TTLL5: variants seen among roughly 807,000 people sequenced by gnomAD.
The protein encoded by TTLL5 is tubulin polyglutamylase TTLL5.
A neutral mutation model predicts 168.4 loss-of-function variants in TTLL5; 132 were observed. The observed-to-expected ratio is 0.78, with a 90% confidence interval of 0.68 to 0.91. TTLL5 has a LOEUF of 0.91. TTLL5 is among the 40% of genes least tolerant of loss of function. The probability of loss-of-function intolerance (pLI) is 0.00; values close to 1 mark genes in which losing one functional copy is unlikely to be tolerated. For missense variants in TTLL5, 1,545 were observed against 1,581.5 expected, an observed-to-expected ratio of 0.98 and a Z score of 0.39; for synonymous variants, 546 against 558.6, an observed-to-expected ratio of 0.98 and a Z score of 0.32.
At chr14:75,914,389 CTTTTCTGAAAAATAGTCCA>C (rs2033524006) in intron 31 of TTLL5, among the ~76,000 whole-genome samples, 1 of 152,018 alleles carries the variant, frequency 6.6e-6, no homozygotes, top group Non-Finnish European at 1.5e-5. Flanking sequence ...ATACATAAAA[CTTTTCTGAAAAATAGTCCA>C]TTTCCTCTGT....
rs10658095 is a variant in TTLL5, at chr14:75,869,821, A to ATTTTTT, written c.3522+5970_3522+5975dup. ...CTTGCAATGTATACATTCAACAAGT[A>ATTTTTT]TTTTTTTTTTTTTTTTGCGATGGAG... On this transcript the variant is annotated intron_variant, in intron 29 of 31. Transcript: ENST00000298832. Among the ~76,000 whole-genome samples the ATTTTTT allele has an allele frequency of 1.5e-4, 12 of 82,424 alleles. 4 individuals carry two copies. Among genetic ancestry groups the ATTTTTT allele is most frequent in the Admixed American group, 5.5e-4 (3 of 5,408 alleles). The allele number at this position is 82,424 out of a possible 152,430, so 54.1% of individuals were successfully genotyped here. A position where few individuals can be genotyped will look rare whatever the true frequency, so the allele number is the denominator to read the frequency against.
At chr14:75,686,400 G>A (rs1450538089) in intron 5 of TTLL5, among the ~76,000 whole-genome samples, 2 of 152,128 alleles carry the variant, frequency 1.3e-5, no homozygotes, top group Non-Finnish European at 1.5e-5. Flanking sequence ...GGTCTTTACT[G>A]TAATAGGATC....
chr14:75,877,015 A>G (rs537013674), intron 29 of TTLL5, among the ~76,000 whole-genome samples: 1 of 152,338 alleles, frequency 6.6e-6, no homozygotes, highest in East Asian at 1.9e-4. Flanking sequence ...TGCATATGTC[A>G]TGGGAATTTT....
At chr14:75,870,880 C>T (rs1031666322) in intron 29 of TTLL5, among the ~76,000 whole-genome samples, 3 of 151,438 alleles carry the variant, frequency 2.0e-5, no homozygotes, top group Admixed American at 2.0e-4. Flanking sequence ...CTGCAAGCTC[C>T]GCCTCCCAGG....
At chr14:75,715,077 G>A (rs562945438) in intron 9 of TTLL5, among the ~76,000 whole-genome samples, 2 of 152,068 alleles carry the variant, frequency 1.3e-5, no homozygotes, top group South Asian at 2.1e-4. Flanking sequence ...AATCTGGCTC[G>A]CAGTATCTTT....
At chr14:75,667,227 T>A (rs1387840274) in intron 2 of TTLL5, among the ~76,000 whole-genome samples, 1 of 152,228 alleles carries the variant, frequency 6.6e-6, no homozygotes, top group Non-Finnish European at 1.5e-5. Context: ...GCTCCCCTTG[T>A]CAGGCATTTT....
At chr14:75,926,943 A>G (rs2034091562) in intron 31 of TTLL5, among the ~76,000 whole-genome samples, 1 of 152,258 alleles carries the variant, frequency 6.6e-6, no homozygotes, top group Non-Finnish European at 1.5e-5. Context: ...GTGATAAACA[A>G]AATGCAGTGT....
Position 75,771,742 on chromosome 14 carries a change from A to T in TTLL5, c.2024A>T (p.Gln675Leu), listed in dbSNP as rs766119024. The T allele has an allele frequency of 6.2e-7, 1 of 1,613,566 alleles. No homozygotes were observed. Among genetic ancestry groups the T allele is most frequent in the Non-Finnish European group, 8.5e-7 (1 of 1,179,810 alleles). The change falls in exon 21 of 32, where the codon CAG becomes CTG. Residue 675 changes from glutamine to leucine, a missense_variant. Coordinates refer to ENST00000298832, the MANE Select transcript of TTLL5 (RefSeq NM_015072.5). ...GTTTTGGATTTCTATAGCAAAATGCAGGCCCGAATAGCATTCTCTGCCTAT... is the reference window on the plus strand; with the variant it reads ...GTTTTGGATTTCTATAGCAAAATGCTGGCCCGAATAGCATTCTCTGCCTAT... The part of the protein sequence containing the change: ...LQDNGNLSKM[Q>L]ARIAFSAYLQ...
chr14:75,753,835 G>GT (rs1489790420), intron 18 of TTLL5, among the ~76,000 whole-genome samples: 1 of 152,002 alleles, frequency 6.6e-6, no homozygotes, highest in African/African-American at 2.4e-5. Flanking sequence ...CTTTTACAAG[G>GT]TTTCTTTTAT....
Position 75,954,619 on chromosome 14 carries a change from C to T in TTLL5, c.*173C>T. 1 of 649,854 alleles carries T rather than the reference C, an allele frequency of 1.5e-6. No individual in the cohort carries two copies. Among genetic ancestry groups the T allele is most frequent in the Non-Finnish European group, 2.7e-6 (1 of 374,594 alleles). The allele number at this position is 649,854 out of a possible 1,614,324, so 40.3% of individuals were successfully genotyped here. ...ATGGTTGCCAATCAGCCAATGCAGA[C>T]TTTCACTGGGACAACAAGAAAGCAG... On this transcript the variant is annotated 3_prime_UTR_variant, in exon 32 of 32. Coordinates refer to ENST00000298832, the MANE Select transcript of TTLL5 (RefSeq NM_015072.5).
chr14:75,811,045 CAG>C (rs1364958108), intron 27 of TTLL5, among the ~76,000 whole-genome samples: 1 of 138,760 alleles, frequency 7.2e-6, no homozygotes, highest in Admixed American at 8.4e-5. Context: ...GATAGCCTTG[CAG>C]AGACATTAAC....
intron 12 of TTLL5, among the ~76,000 whole-genome samples, chr14:75,722,989 CTGTT>C (rs1233592821): frequency 6.6e-6 from 1 of 152,158 alleles, no homozygotes; most frequent in Non-Finnish European, 1.5e-5. Flanking sequence ...CCCCAGCACT[CTGTT>C]TGTAACTCTA....
intron 2 of TTLL5, among the ~76,000 whole-genome samples, chr14:75,667,156 G>C (rs1883322182): frequency 6.6e-6 from 1 of 151,966 alleles, no homozygotes; most frequent in Non-Finnish European, 1.5e-5. Flanking sequence ...TAGAGACTTG[G>C]CTTTCTACAG....
At chr14:75,868,311 G>T (rs945501752) in intron 29 of TTLL5, among the ~76,000 whole-genome samples, 41 of 152,166 alleles carry the variant, frequency 2.7e-4, no homozygotes, top group African/African-American at 9.2e-4. Flanking sequence ...AGAAAGGAGA[G>T]ATTTTAAATA....
At chr14:75,937,122 A>C (rs1012170367) in intron 31 of TTLL5, among the ~76,000 whole-genome samples, 1 of 146,186 alleles carries the variant, frequency 6.8e-6, no homozygotes. Context: ...GTACATTTAC[A>C]TTTTTTTTTT....
At chr14:75,917,123 A>G (rs1032760857) in intron 31 of TTLL5, among the ~76,000 whole-genome samples, 8 of 152,238 alleles carry the variant, frequency 5.3e-5, no homozygotes, top group Non-Finnish European at 1.2e-4. Context: ...ATGGTCGTGC[A>G]GCGTGAATGC....
chr14:75,728,461 A>G (rs1888327963), intron 12 of TTLL5, among the ~76,000 whole-genome samples: 1 of 152,000 alleles, frequency 6.6e-6, no homozygotes. Flanking sequence ...AGGTGGTAAG[A>G]GAGTGTTTCT....
chr14:75,953,502 A>G (rs2035023296), intron 31 of TTLL5, among the ~76,000 whole-genome samples: 1 of 152,256 alleles, frequency 6.6e-6, no homozygotes, highest in Admixed American at 6.5e-5. Context: ...ATAGGGGCAT[A>G]AAGATCATAA....
chr14:75,706,967 T>G, intron 7 of TTLL5, 51 bp from the exon 8 acceptor site: 1 of 1,459,046 alleles, frequency 6.9e-7, no homozygotes, highest in African/African-American at 1.4e-5. Context: ...TTATTGTAAA[T>G]TAGGATTCCT....
Sources: gnomAD v4.1 joint callset for allele counts (sites outside exome capture counted in the v4.1 genomes callset) on GRCh38, gnomAD v4.1.1 for gene constraint, MANE v1.5 for transcripts, NCBI Gene and HGNC (gene_info 2026-07-23, HGNC 2026-07-21) for gene names.